Variants in WTAP observed in about 807,000 individuals in gnomAD.
The protein encoded by WTAP is WT1 associated protein.
Under a neutral mutation model 50.0 loss-of-function variants are expected in WTAP, and 8 were observed. That is an observed-to-expected ratio of 0.16 (90% CI 0.09 to 0.29). WTAP has a LOEUF of 0.29. Among genes scored for constraint, WTAP ranks in the 10% least tolerant of loss-of-function variants. The pLI, the probability that WTAP is intolerant of heterozygous loss-of-function variation, is 1.00. For synonymous variants in WTAP, 194 were observed against 169.0 expected (o/e 1.15, Z -1.15); for missense variants, 295 against 470.7 (o/e 0.63, Z 3.45).
intron 1 of WTAP, among the ~76,000 whole-genome samples, chr6:159,731,153 AAAAG>A (rs1179083092): frequency 7.3e-5 from 11 of 150,918 alleles, no homozygotes; most frequent in Non-Finnish European, 1.2e-4. Context: ...AAAAAAGAAA[AAAAG>A]AAAAGAAATT....
intron 1 of WTAP, 93 bp downstream of exon 1, chr6:159,727,796 A>C: frequency 1.1e-6 from 1 of 892,094 alleles, no homozygotes; most frequent in Non-Finnish European, 1.3e-6. Flanking sequence ...AGGGGCGGGC[A>C]GGGCCCGAAA....
chr6:159,741,895 G>C, intron 3 of WTAP, 193 bp from the exon 4 acceptor site: 2 of 473,514 alleles, frequency 4.2e-6, no homozygotes, highest in Admixed American at 4.0e-5. Context: ...CTTGAGCCCA[G>C]ACCCTGTTTG....
chr6:159,749,624 G>A (rs1231574437), intron 6 of WTAP, among the ~76,000 whole-genome samples: 1 of 152,100 alleles, frequency 6.6e-6, no homozygotes, highest in Non-Finnish European at 1.5e-5. Context: ...CTTGACACTT[G>A]TTACTTTTAT....
rs535310140 is a variant in WTAP, at chr6:159,739,385, T to C, written c.86+340T>C. On this transcript the variant is annotated intron_variant, in intron 3 of 7. Transcript: ENST00000621533. The stretch of plus-strand genomic sequence containing the variant: ...TAATTTACTAATGAAGTGAGGTTAC[T>C]TTTTCTTATTAGTGTGACCTTCACC... 2.0e-5 allele frequency among the ~76,000 whole-genome samples: 3 copies of C among 152,342 alleles called. No individual in the cohort carries two copies. The East Asian group carries it at 5.8e-4, about 29-fold the overall frequency.
At chr6:159,745,289 A>T (rs1779509031) in intron 5 of WTAP, 2 of 152,182 alleles carry the variant, frequency 1.3e-5, no homozygotes, top group Non-Finnish European at 2.9e-5. Flanking sequence ...CTATTCATGC[A>T]CATCTGATTC....
intron 6 of WTAP, among the ~76,000 whole-genome samples, chr6:159,753,054 T>C (rs1291021338): frequency 6.6e-6 from 1 of 152,250 alleles, no homozygotes; most frequent in African/African-American, 2.4e-5. Context: ...TATTTGTGAT[T>C]GATGTTGCAT....
chr6:159,741,925 C>G (rs1052046003), intron 3 of WTAP, 163 bp from the exon 4 acceptor site: 24 of 547,344 alleles, frequency 4.4e-5, no homozygotes, highest in African/African-American at 3.5e-4. Flanking sequence ...GCACTCCAGC[C>G]TGGGGGACAG....
chr6:159,746,142 G>A (rs973810375), intron 5 of WTAP, among the ~76,000 whole-genome samples: 3 of 152,186 alleles, frequency 2.0e-5, no homozygotes, highest in South Asian at 2.1e-4. Flanking sequence ...AAAATTGTTC[G>A]TTAGATTTGG....
chr6:159,751,274 CT>C (rs34409481), intron 6 of WTAP, among the ~76,000 whole-genome samples: 2 of 151,966 alleles, frequency 1.3e-5, no homozygotes, highest in Non-Finnish European at 2.9e-5. Flanking sequence ...TAAACGAAAC[CT>C]TTTTTGCATT....
At chr6:159,727,222 T>C (rs1278746575), upstream of WTAP, 6 of 1,269,290 alleles carry the variant, frequency 4.7e-6, no homozygotes, top group Non-Finnish European at 6.1e-6. Context: ...CCATTGTGCC[T>C]CGAGGCCCCG....
In WTAP at chr6:159,739,014, A is replaced by G. The variant is rs761460882; in HGVS notation, c.55A>G (p.Lys19Glu). Residue 19 changes from lysine to glutamate, a missense_variant, in exon 3 of 8, where the codon AAA (lysine) becomes GAA (glutamate). Lys to Glu is a moderately conservative substitution (Grantham distance 56). Coordinates refer to ENST00000621533, the MANE Select transcript of WTAP (RefSeq NM_001270531.2). ...GGTTCGATTGAGTGAAACAGACTTCAAAGTTATGGCAAGAGATGAGTTAAT... is the reference window on the plus strand; with the variant it reads ...GGTTCGATTGAGTGAAACAGACTTCGAAGTTATGGCAAGAGATGAGTTAAT... ...KKVRLSETDF[K>E]VMARDELILR... 4.3e-6 allele frequency: 7 copies of G among 1,612,410 alleles called. No homozygotes were observed. Among genetic ancestry groups the G allele is most frequent in the East Asian group, 2.2e-5 (1 of 44,706 alleles).
chr6:159,740,541 C>T (rs749943091), intron 3 of WTAP, among the ~76,000 whole-genome samples: 3 of 152,108 alleles, frequency 2.0e-5, no homozygotes, highest in Non-Finnish European at 4.4e-5. Flanking sequence ...TCTTTTATAG[C>T]CTCCACTGAA....
intron 6 of WTAP, chr6:159,749,294 C>T (rs759634960): frequency 4.1e-6 from 4 of 985,596 alleles, no homozygotes; most frequent in African/African-American, 1.7e-5. Flanking sequence ...ATGAAATCCC[C>T]GTTCCATTCA....
chr6:159,739,118 T>A, intron 3 of WTAP, 73 bp downstream of exon 3: 1 of 1,231,480 alleles, frequency 8.1e-7, no homozygotes, highest in East Asian at 2.4e-5. Context: ...TGTAATTGTC[T>A]TTGTGCCAGA....
At chr6:159,729,529 A>G (rs1778436717) in intron 1 of WTAP, among the ~76,000 whole-genome samples, 2 of 152,192 alleles carry the variant, frequency 1.3e-5, no homozygotes, top group South Asian at 4.1e-4. Context: ...CTAAGTGCAC[A>G]TTGAAGTTGC....
intron 4 of WTAP, 139 bp downstream of exon 4, chr6:159,742,285 G>T (rs372429691): frequency 1.9e-5 from 12 of 640,240 alleles, no homozygotes; most frequent in African/African-American, 1.7e-4. Flanking sequence ...CACTGTGTTG[G>T]GTGCAAGAAA....
intron 4 of WTAP, 105 bp from the exon 5 acceptor site, chr6:159,743,560 C>A: frequency 8.9e-7 from 1 of 1,127,266 alleles, no homozygotes; most frequent in Non-Finnish European, 1.2e-6. Context: ...AGGATGGAAA[C>A]TAAAGACTTG....
intron 7 of WTAP, 126 bp downstream of exon 7, chr6:159,753,740 T>G (rs1214373202): frequency 8.2e-7 from 1 of 1,213,372 alleles, no homozygotes; most frequent in Non-Finnish European, 1.1e-6. Context: ...TTGTATATTA[T>G]TGTGAGTGAA....
At chr6:159,754,266 T>C (rs528602110) in intron 7 of WTAP, among the ~76,000 whole-genome samples, 1 of 152,212 alleles carries the variant, frequency 6.6e-6, no homozygotes, top group Admixed American at 6.5e-5. Flanking sequence ...CTTTTCAAAA[T>C]CTTCAGGAAT....
Sources: gnomAD v4.1 joint callset for allele counts (sites outside exome capture counted in the v4.1 genomes callset) on GRCh38, gnomAD v4.1.1 for gene constraint, MANE v1.5 for transcripts, NCBI Gene and HGNC (gene_info 2026-07-23, HGNC 2026-07-21) for gene names.